Variants in CSMD1 observed in about 807,000 individuals in gnomAD.
CSMD1 encodes CUB and sushi domain-containing protein 1.
A neutral mutation model predicts 417.5 loss-of-function variants in CSMD1; 213 were observed. The observed-to-expected ratio is 0.51, with a 90% CI of 0.46 to 0.57. The LOEUF is 0.57. CSMD1 is among the 20% of genes least tolerant of loss of function. CSMD1 has a pLI of 0.00. For synonymous variants in CSMD1, 2,862 were observed against 1,736.8 expected (o/e 1.65, Z -16.11); for missense variants, 6,923 against 4,529.7 (o/e 1.53, Z -15.17).
chr8:4,798,727 T>C (rs1798117451), intron 1 of CSMD1, among the ~76,000 whole-genome samples: 1 of 152,258 alleles, frequency 6.6e-6, no homozygotes, highest in African/African-American at 2.4e-5. Context: ...AAGTAGAAAC[T>C]TACATTTATT....
intron 3 of CSMD1, among the ~76,000 whole-genome samples, chr8:4,085,131 G>C (rs536261764): frequency 3.3e-5 from 5 of 152,178 alleles, no homozygotes; most frequent in African/African-American, 4.8e-5. Context: ...CTGAGGCTGA[G>C]ATGTCACCGG....
intron 4 of CSMD1, among the ~76,000 whole-genome samples, chr8:4,016,695 T>A (rs925330402): frequency 6.6e-6 from 1 of 152,236 alleles, no homozygotes; most frequent in African/African-American, 2.4e-5. Context: ...AAAATAGATT[T>A]AGCCTTTAAG....
chr8:3,563,582 A>C (rs1346500194), intron 10 of CSMD1, among the ~76,000 whole-genome samples: 1 of 152,056 alleles, frequency 6.6e-6, no homozygotes, highest in South Asian at 2.1e-4. Context: ...ACAAAACAAA[A>C]ACACAAGTAA....
At chr8:4,191,099 G>A (rs1798999485) in intron 3 of CSMD1, among the ~76,000 whole-genome samples, 1 of 151,684 alleles carries the variant, frequency 6.6e-6, no homozygotes, top group Non-Finnish European at 1.5e-5. Context: ...AATAAAAGTT[G>A]AAAAAAATTC....
intron 37 of CSMD1, among the ~76,000 whole-genome samples, chr8:3,164,108 C>CGAAATG (rs1820066235): frequency 6.6e-6 from 1 of 152,038 alleles, no homozygotes; most frequent in Admixed American, 6.6e-5. Context: ...TCTGAGAGGG[C>CGAAATG]GAAATGGAGA....
chr8:4,426,446 T>C (rs1797560001), intron 2 of CSMD1, among the ~76,000 whole-genome samples: 1 of 148,426 alleles, frequency 6.7e-6, no homozygotes, highest in South Asian at 2.1e-4. Context: ...ATATAGAGCA[T>C]ATATAGTAAA....
At chr8:4,034,936 G>A (rs916622244) in intron 3 of CSMD1, among the ~76,000 whole-genome samples, 6 of 152,122 alleles carry the variant, frequency 3.9e-5, no homozygotes, top group Admixed American at 3.9e-4. Flanking sequence ...CACGGAAAAT[G>A]CAAATGAAAC....
intron 2 of CSMD1, among the ~76,000 whole-genome samples, chr8:4,563,132 T>C (rs1032200080): frequency 6.6e-6 from 1 of 152,172 alleles, no homozygotes; most frequent in African/African-American, 2.4e-5. Flanking sequence ...CCGGGCACAG[T>C]GACTCATGCC....
At chr8:4,584,307 C>A (rs933387017) in intron 2 of CSMD1, among the ~76,000 whole-genome samples, 1 of 151,446 alleles carries the variant, frequency 6.6e-6, no homozygotes, top group African/African-American at 2.4e-5. Flanking sequence ...AGTGGTGAGA[C>A]CGTCGCCTAT....
intron 5 of CSMD1, among the ~76,000 whole-genome samples, chr8:3,955,575 GAGA>G: frequency 6.6e-6 from 1 of 152,172 alleles, no homozygotes; most frequent in African/African-American, 2.4e-5. Flanking sequence ...TATTCCATAG[GAGA>G]TTGGTGCTAC....
chr8:4,051,007 A>G (rs1157300774), intron 3 of CSMD1, among the ~76,000 whole-genome samples: 1 of 152,114 alleles, frequency 6.6e-6, no homozygotes, highest in African/African-American at 2.4e-5. Context: ...ACTTTTAAGG[A>G]GGAAGGAGCC....
intron 5 of CSMD1, among the ~76,000 whole-genome samples, chr8:3,932,021 T>C (rs187875027): frequency 1.3e-5 from 2 of 150,136 alleles, no homozygotes; most frequent in Admixed American, 1.3e-4. Flanking sequence ...AAAACAATAA[T>C]TTTGTGACTT....
chr8:4,080,815 G>C (rs2130811793), intron 3 of CSMD1, among the ~76,000 whole-genome samples: 1 of 152,270 alleles, frequency 6.6e-6, no homozygotes, highest in East Asian at 1.9e-4. Flanking sequence ...CAGATAGCTA[G>C]ATAAAAATTC....
chr8:4,839,677 G>T (rs1246583384), intron 1 of CSMD1, among the ~76,000 whole-genome samples: 4 of 152,256 alleles, frequency 2.6e-5, no homozygotes, highest in Non-Finnish European at 4.4e-5. Flanking sequence ...TCAGATTTCA[G>T]AATTCTCACT....
intron 1 of CSMD1, among the ~76,000 whole-genome samples, chr8:4,644,185 A>G (rs999305789): frequency 2.0e-5 from 3 of 152,190 alleles, no homozygotes; most frequent in African/African-American, 7.2e-5. Context: ...CTCCAAAAGG[A>G]AAAGGGAGGT....
chr8:4,855,056 G>C (rs891864438), intron 1 of CSMD1, among the ~76,000 whole-genome samples: 2 of 152,126 alleles, frequency 1.3e-5, no homozygotes, highest in Non-Finnish European at 2.9e-5. Flanking sequence ...CCAGCAAGCA[G>C]CTGGAGATCT....
chr8:3,489,694 C>T (rs1215447086), intron 11 of CSMD1, among the ~76,000 whole-genome samples: 3 of 152,064 alleles, frequency 2.0e-5, no homozygotes, highest in Non-Finnish European at 2.9e-5. Flanking sequence ...TATATTGTGC[C>T]ATAAAAATTA....
At chr8:3,017,879 A>G (rs993625880) in intron 52 of CSMD1, among the ~76,000 whole-genome samples, 1 of 151,350 alleles carries the variant, frequency 6.6e-6, no homozygotes, top group African/African-American at 2.4e-5. Flanking sequence ...AAGGCAAGTA[A>G]GGTATTTTAC....
chr8:4,046,288 C>T (rs1031455502), intron 3 of CSMD1, among the ~76,000 whole-genome samples: 19 of 152,122 alleles, frequency 1.2e-4, no homozygotes, highest in African/African-American at 4.3e-4. Context: ...GTTTCTCAGT[C>T]TAACTTCAGT....
Sources: allele counts gnomAD v4.1 joint callset (sites outside exome capture counted in the v4.1 genomes callset), GRCh38; gene constraint gnomAD v4.1.1; transcripts MANE v1.5; gene names NCBI Gene and HGNC (gene_info 2026-07-23, HGNC 2026-07-21).